SLFN5: variants seen among roughly 807,000 people sequenced by gnomAD.
The protein encoded by SLFN5 is schlafen family member 5.
A neutral mutation model predicts 48.5 loss-of-function variants in SLFN5; 34 were observed. That is an observed-to-expected ratio of 0.70 (90% CI 0.53 to 0.93). The LOEUF is 0.93. Ranked by LOEUF, SLFN5 falls within the 40% of genes least tolerant of loss-of-function variation. SLFN5 has a pLI of 0.00. For synonymous variants in SLFN5, 387 were observed against 396.2 expected (o/e 0.98, Z 0.28); for missense variants, 1,006 against 1,071.3 (o/e 0.94, Z 0.85).
At position 35,265,874 on chromosome 17, in the gene SLFN5, A is replaced by G. The variant is rs1255619720; in HGVS notation, c.2662A>G (p.Lys888Glu). ...GGCAAAAAGACATCTGTATATTCTG[A>G]AGGCTTCTGTGTGACAGGAAACCCA... is the stretch of plus-strand genomic sequence containing the variant. ...SRAKRHLYIL[K>E]ASV The change falls in exon 5 of 5, where the codon AAG becomes GAG. Residue 888 changes from lysine (K) to glutamate (E), a missense_variant. Lys to Glu is a moderately conservative substitution (Grantham distance 56). Transcript: ENST00000299977. 1 of 1,596,050 alleles carries G rather than the reference A, an allele frequency of 6.3e-7. No homozygotes were observed. Among genetic ancestry groups the G allele is most frequent in the Admixed American group, 1.8e-5 (1 of 56,662 alleles).
At chr17:35,258,524 G>A (rs1008023412) in intron 1 of SLFN5, 127 bp from the exon 2 acceptor site, 29 of 701,412 alleles carry the variant, frequency 4.1e-5, no homozygotes, top group African/African-American at 4.1e-4. Flanking sequence ...ATTTGGGTGG[G>A]GACACAGTCA....
Position 35,260,335 on chromosome 17 carries a change from G to GA in SLFN5, c.1013-630dup, listed in dbSNP as rs371989859. ...CAATAGTAACTTCTTCAAAGGTCCA[G>GA]AAAAAACAAAGTCCACCTCAGAATC... On this transcript the variant is annotated intron_variant, in intron 2 of 4. Coordinates refer to ENST00000299977, the MANE Select transcript of SLFN5 (RefSeq NM_144975.4). 4.5e-4 allele frequency among the ~76,000 whole-genome samples: 69 copies of GA among 152,324 alleles called. No homozygotes were observed. In the East Asian group the frequency reaches 0.013, roughly 28 times the overall value.
chr17:35,265,043 G>A (rs1904634699), intron 4 of SLFN5, 29 bp from the exon 5 acceptor site: 2 of 1,579,406 alleles, frequency 1.3e-6, no homozygotes, highest in South Asian at 1.2e-5. Flanking sequence ...TTGTTTCATT[G>A]GGGAAAAACC....
chr17:35,251,359 T>C (rs967805535), intron 1 of SLFN5, among the ~76,000 whole-genome samples: 1 of 152,244 alleles, frequency 6.6e-6, no homozygotes, highest in Non-Finnish European at 1.5e-5. Context: ...CCTGACCTCA[T>C]GGTTTCTCAT....
Position 35,264,510 on chromosome 17 carries a change from G to C in SLFN5, c.1466G>C (p.Cys489Ser). Residue 489 changes from cysteine (C) to serine (S), a missense_variant, in exon 4 of 5, where the codon TGC becomes TCC. Physicochemically the swap from Cys to Ser is moderately radical, Grantham distance 112 (BLOSUM62 -1). Coordinates refer to ENST00000299977, the MANE Select transcript of SLFN5 (RefSeq NM_144975.4). ...AAAGGCGGCTACACTGGGAGGTTAT[G>C]CATCACCCCCTTGGTCTGTGTGCTG... ...VNKGGYTGRLCITPLVCVLNS... is the reference protein window; with the variant it reads ...VNKGGYTGRLSITPLVCVLNS... 6.2e-7 allele frequency: 1 copy of C among 1,614,118 alleles called. No homozygotes were observed. The highest frequency in any genetic ancestry group is 8.5e-7 in the Non-Finnish European group (1 of 1,179,974).
intron 1 of SLFN5, among the ~76,000 whole-genome samples, chr17:35,258,365 G>A (rs1244728018): frequency 1.3e-5 from 2 of 152,174 alleles, no homozygotes; most frequent in Non-Finnish European, 2.9e-5. Context: ...AGTGAAAGGG[G>A]AAACCCTTTA....
chr17:35,251,163 T>C (rs1436699257), intron 1 of SLFN5, among the ~76,000 whole-genome samples: 1 of 152,204 alleles, frequency 6.6e-6, no homozygotes, highest in Non-Finnish European at 1.5e-5. Flanking sequence ...TTTTGTCTAT[T>C]TGTGCGAGAG....
chr17:35,257,706 T>G (rs904667245), intron 1 of SLFN5, among the ~76,000 whole-genome samples: 1 of 151,682 alleles, frequency 6.6e-6, no homozygotes, highest in South Asian at 2.1e-4. Flanking sequence ...AGGATGTATA[T>G]ATATGATTTT....
chr17:35,250,079 A>G (rs1189536849), intron 1 of SLFN5, among the ~76,000 whole-genome samples: 1 of 152,210 alleles, frequency 6.6e-6, no homozygotes, highest in East Asian at 1.9e-4. Flanking sequence ...CCCGCCAGCA[A>G]AGAAACCAAG....
rs2291189 is a variant in SLFN5, at chr17:35,265,602, C to G, written c.2390C>G (p.Ala797Gly). Residue 797 changes from alanine (A) to glycine (G), a missense_variant, in exon 5 of 5, where the codon GCA becomes GGA. Ala to Gly is a moderately conservative substitution (Grantham distance 60). Transcript: ENST00000299977. ...PKDIAVLFTK[A>G]SEVEKYKDRL... ...GATATTGCTGTGCTTTTCACCAAAG[C>G]AAGTGAAGTGGAAAAATATAAAGAC... 6.2e-7 allele frequency: 1 copy of G among 1,613,966 alleles called. No homozygotes were observed. The highest frequency in any genetic ancestry group is 1.3e-5 in the African/African-American group (1 of 74,862).
intron 3 of SLFN5, among the ~76,000 whole-genome samples, chr17:35,263,802 A>C (rs1312660220): frequency 4.7e-5 from 5 of 107,424 alleles, no homozygotes; most frequent in Non-Finnish European, 9.0e-5. Context: ...ACAGAGCAAG[A>C]CTCCATCTCA....
chr17:35,247,047 C>G (rs2092432435), intron 1 of SLFN5, among the ~76,000 whole-genome samples: 1 of 108,922 alleles, frequency 9.2e-6, no homozygotes, highest in South Asian at 3.0e-4. Context: ...CAGTAACCAG[C>G]CTGGGAAGCC....
chr17:35,261,216 A>G, intron 3 of SLFN5, 120 bp downstream of exon 3: 1 of 1,179,554 alleles, frequency 8.5e-7, no homozygotes, highest in Non-Finnish European at 1.1e-6. Flanking sequence ...TAAATATGAA[A>G]GCCAAACCTT....
In SLFN5 at chr17:35,269,121, T is replaced by C. The variant is rs936986032; in HGVS notation, c.*3233T>C. ...TAAGAAGGCAGTGAAGCAACATGTG[T>C]ACAGTTCTTAGGGAAACAAATTTTG... On this transcript the variant is annotated 3_prime_UTR_variant, in exon 5 of 5. Transcript: ENST00000299977. The C allele has an allele frequency of 2.0e-5, 3 of 150,850 alleles. No homozygotes were observed. The highest frequency in any genetic ancestry group is 7.5e-5 in the African/African-American group (3 of 40,136). The allele number at this position is 150,850 out of a possible 1,614,324, so 9.3% of individuals were successfully genotyped here.
rs1904423114 is a variant in SLFN5 at position 35,258,852 on chromosome 17, TG to T, written c.167del (p.Gly56AlafsTer2). The T allele has an allele frequency of 6.2e-7, 1 of 1,614,112 alleles. No individual in the cohort carries two copies. The highest frequency in any genetic ancestry group is 8.5e-7 in the Non-Finnish European group (1 of 1,180,000). On this transcript the variant is annotated frameshift_variant, in exon 2 of 5. Transcript: ENST00000299977. LOFTEE classifies it high-confidence loss of function. ...CAGTATGTGCTCTGCTGAATTCTGG[TG>T]GGGGCATAATCAAGGCTGAGATTGA... is the stretch of plus-strand genomic sequence containing the variant. Reference protein sequence around the residue: ...RAVCALLNSGGGIIKAEIENK... With the variant: ...RAVCALLNSGXGIIKAEIENK...
At chr17:35,260,128 A>G (rs571343233) in intron 2 of SLFN5, among the ~76,000 whole-genome samples, 64 of 152,266 alleles carry the variant, frequency 4.2e-4, no homozygotes, top group South Asian at 2.1e-3. Flanking sequence ...CCCTTCTTAA[A>G]TATTCACCCT....
rs772090334 is a variant in SLFN5, at chr17:35,264,225, A to G, written c.1181A>G (p.Lys394Arg). Residue 394 changes from lysine (K) to arginine (R), a missense_variant, in exon 4 of 5, where the codon AAG becomes AGG. Coordinates refer to ENST00000299977, the MANE Select transcript of SLFN5 (RefSeq NM_144975.4). ...GTATATACTCCAGAAAGCCTCTACA[A>G]GGAACTCTTCTCACAACATAAAGGA... The part of the protein sequence containing the change: ...RVVYTPESLY[K>R]ELFSQHKGLR... 1 of 1,613,624 alleles carries G rather than the reference A, an allele frequency of 6.2e-7. No homozygotes were observed. Among genetic ancestry groups the G allele is most frequent in the Non-Finnish European group, 8.5e-7 (1 of 1,179,870 alleles).
intron 1 of SLFN5, among the ~76,000 whole-genome samples, chr17:35,250,938 C>G (rs1371561398): frequency 6.6e-6 from 1 of 152,162 alleles, no homozygotes; most frequent in Non-Finnish European, 1.5e-5. Flanking sequence ...TATTGTAAAT[C>G]CCTCACAAAA....
chr17:35,262,014 A>T (rs1904535345), intron 3 of SLFN5, among the ~76,000 whole-genome samples: 1 of 151,988 alleles, frequency 6.6e-6, no homozygotes, highest in Admixed American at 6.6e-5. Flanking sequence ...TATGACGTCT[A>T]ATTTTTTCAT....
Sources: allele counts gnomAD v4.1 joint callset (sites outside exome capture counted in the v4.1 genomes callset), GRCh38; gene constraint gnomAD v4.1.1; transcripts MANE v1.5; gene names NCBI Gene and HGNC (gene_info 2026-07-23, HGNC 2026-07-21).